Variants in KCNQ3 observed in about 807,000 individuals in gnomAD.
KCNQ3 encodes the protein potassium voltage-gated channel subfamily KQT member 3.
Under a neutral mutation model 92.5 loss-of-function variants are expected in KCNQ3, and 30 were observed. That is an observed-to-expected ratio of 0.32 (90% confidence interval 0.24 to 0.44). KCNQ3 has a LOEUF of 0.44. Ranked by LOEUF, KCNQ3 falls within the 20% of genes least tolerant of loss-of-function variation. The pLI is 1.00. For missense variants in KCNQ3, 913 were observed against 1,140.3 expected (o/e 0.80, Z 2.87); for synonymous variants, 450 against 468.8 (o/e 0.96, Z 0.52).
intron 1 of KCNQ3, chr8:132,187,129 C>T (rs1826996178): frequency 2.2e-6 from 1 of 455,564 alleles, no homozygotes; most frequent in Middle Eastern, 3.3e-4. Context: ...ATGGGTGAAG[C>T]TTGGTAGTAC....
chr8:132,441,871 T>TA, intron 1 of KCNQ3, among the ~76,000 whole-genome samples: 1 of 152,282 alleles, frequency 6.6e-6, no homozygotes, highest in South Asian at 2.1e-4. Flanking sequence ...GTGGTACATA[T>TA]ACACCACGGA....
chr8:132,420,890 C>A (rs1377678209), intron 1 of KCNQ3, among the ~76,000 whole-genome samples: 1 of 152,050 alleles, frequency 6.6e-6, no homozygotes, highest in Non-Finnish European at 1.5e-5. Context: ...AGCTCCCAGA[C>A]CAGCACATAG....
intron 12 of KCNQ3, among the ~76,000 whole-genome samples, chr8:132,137,370 C>T (rs956866144): frequency 6.6e-6 from 1 of 152,160 alleles, no homozygotes; most frequent in Non-Finnish European, 1.5e-5. Flanking sequence ...AAAAATGGCA[C>T]TCTAATGCAA....
intron 1 of KCNQ3, among the ~76,000 whole-genome samples, chr8:132,448,523 A>AAAAAAAAAAAAAAAAAAAAAAAAAG (rs1821746105): frequency 7.0e-6 from 1 of 141,980 alleles, no homozygotes; most frequent in African/African-American, 2.6e-5. Flanking sequence ...AAAAAAAAAA[A>AAAAAAAAAAAAAAAAAAAAAAAAAG]GAGGAAGAAG....
Position 132,411,217 on chromosome 8 carries a change from A to G in KCNQ3, c.386+68930T>C, listed in dbSNP as rs74917716. ...AATTGTTTGGCACCTTGTGAATTCA[A>G]TGTTGCCTGAGGGAGGTGAGAGGGG... is the stretch of plus-strand genomic sequence containing the variant. On this transcript the variant is annotated intron_variant, in intron 1 of 14. Coordinates refer to ENST00000388996, the MANE Select transcript of KCNQ3 (RefSeq NM_004519.4). 9.9e-4 allele frequency among the ~76,000 whole-genome samples: 151 copies of G among 152,300 alleles called. 1 individual carries two copies. The highest frequency in any genetic ancestry group is 3.5e-3 in the African/African-American group (145 of 41,572).
chr8:132,154,193 G>GTTTTTTTTTTTTTTTTTTTTTTGTTTTTT (rs1825727791), intron 9 of KCNQ3, among the ~76,000 whole-genome samples: 1 of 27,456 alleles, frequency 3.6e-5, no homozygotes, highest in Non-Finnish European at 6.8e-5. Context: ...AAGGGTAAAA[G>GTTTTTTTTTTTTTTTTTTTTTTGTTTTTT]TTTTTTTTTT....
chr8:132,267,567 T>C (rs2130488932), intron 1 of KCNQ3, among the ~76,000 whole-genome samples: 1 of 152,318 alleles, frequency 6.6e-6, no homozygotes, highest in Non-Finnish European at 1.5e-5. Context: ...CTACTCAGCA[T>C]GATCTTAAAT....
intron 3 of KCNQ3, among the ~76,000 whole-genome samples, chr8:132,181,535 G>A (rs767252248): frequency 6.6e-6 from 1 of 152,006 alleles, no homozygotes; most frequent in Non-Finnish European, 1.5e-5. Flanking sequence ...TTTTGACCAC[G>A]GAACTATTTT....
chr8:132,279,761 T>G, intron 1 of KCNQ3, among the ~76,000 whole-genome samples: 1 of 152,222 alleles, frequency 6.6e-6, no homozygotes, highest in East Asian at 1.9e-4. Context: ...TATGATCATA[T>G]CTGCATATCT....
At chr8:132,431,905 G>C (rs771024602) in intron 1 of KCNQ3, among the ~76,000 whole-genome samples, 1 of 152,138 alleles carries the variant, frequency 6.6e-6, no homozygotes, top group Non-Finnish European at 1.5e-5. Context: ...GACTGGGTCC[G>C]GGGGCCTGGA....
chr8:132,343,720 G>A (rs1818600545), intron 1 of KCNQ3, among the ~76,000 whole-genome samples: 1 of 152,030 alleles, frequency 6.6e-6, no homozygotes, highest in Non-Finnish European at 1.5e-5. Context: ...CTCGCTCCCT[G>A]ATTTCCCAAG....
At chr8:132,257,765 AAGAG>A (rs1313537487) in intron 1 of KCNQ3, among the ~76,000 whole-genome samples, 60 of 85,204 alleles carry the variant, frequency 7.0e-4, no homozygotes, top group East Asian at 2.7e-3. Context: ...AAAAAAAAAA[AAGAG>A]AGAGAGAGAC....
intron 1 of KCNQ3, among the ~76,000 whole-genome samples, chr8:132,279,612 A>G (rs1816448513): frequency 6.6e-6 from 1 of 152,200 alleles, no homozygotes; most frequent in Admixed American, 6.5e-5. Context: ...TGACTTATGA[A>G]TGGTATATAT....
At chr8:132,270,863 G>A (rs1387343718) in intron 1 of KCNQ3, among the ~76,000 whole-genome samples, 16 of 152,338 alleles carry the variant, frequency 1.1e-4, no homozygotes, top group Admixed American at 8.5e-4. Flanking sequence ...CTGAATTTGT[G>A]TATTTGGGAT....
chr8:132,409,890 G>C lies in KCNQ3; in HGVS notation c.386+70257C>G, dbSNP rs772503288. On this transcript the variant is annotated intron_variant, in intron 1 of 14. Transcript: ENST00000388996. ...AATAATCCTTGGTCATGATTATAAG[G>C]GTTCTTTGCTTATGCAGAAGGTCAA... 1.5e-3 allele frequency among the ~76,000 whole-genome samples: 222 copies of C among 152,176 alleles called. 1 individual carries two copies. The highest frequency in any genetic ancestry group is 4.1e-4 in the Non-Finnish European group (28 of 68,034).
At chr8:132,182,930 CA>C (rs1826838313) in intron 3 of KCNQ3, among the ~76,000 whole-genome samples, 1 of 151,716 alleles carries the variant, frequency 6.6e-6, no homozygotes, top group Non-Finnish European at 1.5e-5. Context: ...ACCTTCCGTA[CA>C]TTCAAAATTC....
At chr8:132,282,180 C>A (rs1689651395) in intron 1 of KCNQ3, among the ~76,000 whole-genome samples, 1 of 152,198 alleles carries the variant, frequency 6.6e-6, no homozygotes, top group Non-Finnish European at 1.5e-5. Context: ...CTTCCAGACT[C>A]CAGCAGAGTT....
rs181517879 is a variant in KCNQ3, at chr8:132,409,387, C to T, written c.386+70760G>A. On this transcript the variant is annotated intron_variant, in intron 1 of 14. Transcript: ENST00000388996. Reference sequence around the variant, plus strand: ...TTGGACCAAAATGTCACTCCCAAACCTTGCACAACCCACTCATGCCCCAAG... The same window carrying T: ...TTGGACCAAAATGTCACTCCCAAACTTTGCACAACCCACTCATGCCCCAAG... Among the ~76,000 whole-genome samples, 3 of 152,206 alleles carry T rather than the reference C, an allele frequency of 2.0e-5. No homozygotes were observed. In the East Asian group the frequency reaches 5.8e-4, roughly 29 times the overall value.
intron 1 of KCNQ3, among the ~76,000 whole-genome samples, chr8:132,241,830 G>A (rs148821519): frequency 3.4e-4 from 51 of 152,144 alleles, no homozygotes; most frequent in South Asian, 8.3e-4. Context: ...GCGAGACTCC[G>A]TCTAAATTAA....
Sources: gnomAD v4.1 joint callset for allele counts (sites outside exome capture counted in the v4.1 genomes callset) on GRCh38, gnomAD v4.1.1 for gene constraint, MANE v1.5 for transcripts, NCBI Gene and HGNC (gene_info 2026-07-23, HGNC 2026-07-21) for gene names.